The following RGPD4 variants were observed in gnomAD, a reference collection of about 807,000 sequenced individuals.
RGPD4 encodes the protein RANBP2 like and GRIP domain containing 4.
Under a neutral mutation model 141.1 loss-of-function variants are expected in RGPD4, and 84 were observed. The observed-to-expected ratio is 0.60, with a 90% CI of 0.50 to 0.71. The LOEUF is 0.71. Ranked by LOEUF, RGPD4 falls within the 30% of genes least tolerant of loss-of-function variation. RGPD4 has a pLI of 0.00. For synonymous variants in RGPD4, 298 were observed against 566.8 expected (o/e 0.53, Z 6.74); for missense variants, 918 against 1,622.4 (o/e 0.57, Z 7.46).
Position 107,845,933 on chromosome 2 carries a change from C to CTT in RGPD4, c.782+2213_782+2214dup, listed in dbSNP as rs558957274. Among the ~76,000 whole-genome samples the CTT allele has an allele frequency of 6.3e-3, 733 of 115,802 alleles. 3 individuals are homozygous for CTT. The highest frequency in any genetic ancestry group is 0.01 in the Non-Finnish European group (542 of 53,854). 76.0% of individuals were successfully genotyped at this position (115,802 alleles called of 152,430 possible). A position where few individuals can be genotyped will look rare whatever the true frequency, so the allele number is the denominator to read the frequency against. ...TCATGTTGGCCAGGATGGTCTCGAT[C>CTT]TTTTTTTTTTTGAGACGGAGTCTCG... On this transcript the variant is annotated intron_variant, in intron 6 of 22. Transcript: ENST00000408999.
intron 19 of RGPD4, 92 bp from the exon 20 acceptor site, chr2:107,870,612 AT>A: frequency 1.0e-6 from 1 of 985,074 alleles, no homozygotes; most frequent in Non-Finnish European, 1.5e-6. Context: ...TGTTAACATC[AT>A]TTGATAAATT....
intron 11 of RGPD4, 67 bp from the exon 12 acceptor site, chr2:107,859,655 A>C (rs1283854899): frequency 6.2e-7 from 1 of 1,611,206 alleles, no homozygotes; most frequent in East Asian, 2.2e-5. Flanking sequence ...ACCCATTAAC[A>C]TATATGTATG....
intron 20 of RGPD4, among the ~76,000 whole-genome samples, chr2:107,878,328 G>A (rs1451330671): frequency 8.6e-5 from 13 of 151,118 alleles, no homozygotes; most frequent in East Asian, 3.9e-4. Context: ...AAGAACCTTC[G>A]AGAAAGGAGA....
chr2:107,890,498 C>G (rs927242268), intron 22 of RGPD4, among the ~76,000 whole-genome samples: 12 of 124,814 alleles, frequency 9.6e-5, no homozygotes, highest in African/African-American at 3.7e-4. Flanking sequence ...GCACTGAAGT[C>G]TCATCACGCC....
At chr2:107,883,094 T>G (rs1378916888) in intron 22 of RGPD4, 3 of 662,950 alleles carry the variant, frequency 4.5e-6, no homozygotes, top group Admixed American at 4.9e-5. Flanking sequence ...ATACAATAAG[T>G]GCTTAGCTTG....
chr2:107,882,223 T>C (rs1383193931), intron 21 of RGPD4, among the ~76,000 whole-genome samples: 3 of 151,540 alleles, frequency 2.0e-5, no homozygotes, highest in Non-Finnish European at 2.9e-5. Context: ...CTTGGTAAGC[T>C]GCTGGACTGA....
chr2:107,880,008 G>A lies in RGPD4; in HGVS notation c.4965G>A (p.Leu1655=). ...LWHAEFTKEE[L]VQKLSSTTKS... is the part of the protein sequence containing the mutation. ...ATGCTGAATTTACCAAAGAAGAATT[G>A]GTTCAGAAGCTCAGTTCCACCACAA... Residue 1655 remains leucine (L), a synonymous_variant, in exon 21 of 23, where the codon TTG becomes TTA. Coordinates refer to ENST00000408999, the MANE Select transcript of RGPD4 (RefSeq NM_182588.3). 1 of 1,611,372 alleles carries A rather than the reference G, an allele frequency of 6.2e-7. No individual in the cohort carries two copies.
chr2:107,872,644 A>C lies in RGPD4; in HGVS notation c.4640A>C (p.Lys1547Thr). ...PKFVFGSESV[K>T]RIFSSEKSKP... ...TTTGTATTTGGTTCAGAGTCTGTTAAAAGAATTTTTAGTAGTGAAAAATCA... is the reference window on the plus strand; with the variant it reads ...TTTGTATTTGGTTCAGAGTCTGTTACAAGAATTTTTAGTAGTGAAAAATCA... The change falls in exon 20 of 23, where the codon AAA (lysine) becomes ACA (threonine). Residue 1547 changes from lysine to threonine, a missense_variant. Transcript: ENST00000408999. 6.2e-7 allele frequency: 1 copy of C among 1,609,648 alleles called. No individual in the cohort carries two copies. Among genetic ancestry groups the C allele is most frequent in the Non-Finnish European group, 8.5e-7 (1 of 1,179,484 alleles).
At chr2:107,883,193 T>G (rs1271757651) in intron 22 of RGPD4, 51 of 536,500 alleles carry the variant, frequency 9.5e-5, no homozygotes, top group South Asian at 8.1e-4. Flanking sequence ...ATTCTACTTT[T>G]TAAAAAACAT....
chr2:107,831,612 A>T (rs1286722384), intron 1 of RGPD4, among the ~76,000 whole-genome samples: 1 of 94,210 alleles, frequency 1.1e-5, no homozygotes, highest in Non-Finnish European at 1.9e-5. Flanking sequence ...GTCTCGCTCT[A>T]TCGTCCAGGC....
chr2:107,838,633 A>G lies in RGPD4; in HGVS notation c.253-179A>G, dbSNP rs1486463120. ...AATTTTTATTTGGTTCATTTCCAGA[A>G]AATTCCAAGACACTTTTATTTTAAC... is the stretch of plus-strand genomic sequence containing the variant. On this transcript the variant is annotated intron_variant, in intron 3 of 22. Coordinates refer to ENST00000408999, the MANE Select transcript of RGPD4 (RefSeq NM_182588.3). 1.8e-4 allele frequency among the ~76,000 whole-genome samples: 13 copies of G among 72,852 alleles called. 5 individuals carry two copies. Among genetic ancestry groups the G allele is most frequent in the Admixed American group, 1.4e-3 (13 of 9,090 alleles). The allele number at this position is 72,852 out of a possible 152,430, so 47.8% of individuals were successfully genotyped here. A position where few individuals can be genotyped will look rare whatever the true frequency, so the allele number is the denominator to read the frequency against.
chr2:107,871,952 T>C lies in RGPD4; in HGVS notation c.3948T>C (p.Val1316=), dbSNP rs754675107. ...PAKLNQSGTS[V]GTDEESDVTQ... is the part of the protein sequence containing the mutation. ...AGTTGAATCAGAGTGGGACTTCAGT[T>C]GGCACTGATGAAGAATCTGATGTTA... Residue 1316 remains valine, a synonymous_variant, in exon 20 of 23, where the codon GTT becomes GTC. Coordinates refer to ENST00000408999, the MANE Select transcript of RGPD4 (RefSeq NM_182588.3). 1 of 1,611,370 alleles carries C rather than the reference T, an allele frequency of 6.2e-7. No individual in the cohort carries two copies. Among genetic ancestry groups the C allele is most frequent in the Non-Finnish European group, 8.5e-7 (1 of 1,179,822 alleles).
chr2:107,828,601 GGGCGGCGGCGGCCTCGACCTGGCCC>G (rs1681330688), intron 1 of RGPD4, among the ~76,000 whole-genome samples: 1 of 113,474 alleles, frequency 8.8e-6, no homozygotes, highest in African/African-American at 3.7e-5. Flanking sequence ...CGACCTGGCC[GGGCGGCGGCGGCCTCGACCTGGCCC>G]GGCGGCGGCC....
At chr2:107,844,919 T>G (rs1681869351) in intron 6 of RGPD4, among the ~76,000 whole-genome samples, 2 of 111,186 alleles carry the variant, frequency 1.8e-5, no homozygotes, top group South Asian at 7.8e-4. Flanking sequence ...CACTGTAACC[T>G]CTGCCTCCCG....
chr2:107,872,730 G>A lies in RGPD4; in HGVS notation c.4726G>A (p.Ala1576Thr), dbSNP rs1338035107. The A allele has an allele frequency of 6.2e-7, 1 of 1,611,478 alleles. No homozygotes were observed. Among genetic ancestry groups the A allele is most frequent in the Non-Finnish European group, 8.5e-7 (1 of 1,179,862 alleles). ...GTCTTTGTTTGGATTTAGTTTTAAT[G>A]CATCTTTGAAAAGTAACAACAGTGA... ...TGSLFGFSFN[A>T]SLKSNNSETS... The change falls in exon 20 of 23, where the codon GCA becomes ACA. Residue 1576 changes from alanine to threonine, a missense_variant. Ala to Thr is a moderately conservative substitution (Grantham distance 58, BLOSUM62 0). Transcript: ENST00000408999.
At chr2:107,874,077 T>C (rs1329246415) in intron 20 of RGPD4, among the ~76,000 whole-genome samples, 1 of 147,498 alleles carries the variant, frequency 6.8e-6, no homozygotes, top group Non-Finnish European at 1.5e-5. Context: ...TTTTTTAAAA[T>C]GTACTGGGAT....
intron 6 of RGPD4, among the ~76,000 whole-genome samples, chr2:107,847,127 A>C (rs1306437294): frequency 1.4e-5 from 2 of 143,902 alleles, no homozygotes; most frequent in Non-Finnish European, 3.0e-5. Context: ...CTATAGTCCC[A>C]GCTGCTCGGG....
chr2:107,829,527 TGAG>T (rs1558786365), intron 1 of RGPD4, among the ~76,000 whole-genome samples: 1 of 125,904 alleles, frequency 7.9e-6, no homozygotes, highest in Non-Finnish European at 1.7e-5. Context: ...CGCGCTCTGT[TGAG>T]GCGGCGGCCT....
In RGPD4 at chr2:107,847,013, G is replaced by A. The variant is rs1322821024; in HGVS notation, c.783-1328G>A. 7.9e-5 allele frequency among the ~76,000 whole-genome samples: 12 copies of A among 151,734 alleles called. No individual in the cohort carries two copies. In the East Asian group the frequency reaches 1.0e-3, roughly 13 times the overall value. The stretch of plus-strand genomic sequence containing the variant: ...TCCCAGCACTTTGGGAGGCCAAGGC[G>A]GGTGGATCACGAAGTCAGGAGATCG... On this transcript the variant is annotated intron_variant, in intron 6 of 22. Transcript: ENST00000408999.
Sources: allele counts gnomAD v4.1 joint callset (sites outside exome capture counted in the v4.1 genomes callset), GRCh38; gene constraint gnomAD v4.1.1; transcripts MANE v1.5; gene names NCBI Gene and HGNC (gene_info 2026-07-23, HGNC 2026-07-21).